The following MRPL42 variants were observed in gnomAD, a reference collection of about 807,000 sequenced individuals.
The protein encoded by MRPL42 is mitochondrial ribosomal protein L42.
A neutral mutation model predicts 17.9 loss-of-function variants in MRPL42; 17 were observed. That is an observed-to-expected ratio of 0.95 (90% CI 0.65 to 1.42). The LOEUF (loss-of-function observed/expected upper bound fraction) is 1.42, where lower values mean the gene tolerates loss of function less well. MRPL42 is among the 40% of genes most tolerant of loss of function. The pLI, the probability that MRPL42 is intolerant of heterozygous loss-of-function variation, is 0.00. For missense variants in MRPL42, 177 were observed against 175.2 expected (o/e 1.01, Z -0.06); for synonymous variants, 59 against 54.4 (o/e 1.08, Z -0.37).
At chr12:93,478,725 A>G (rs1263093460) in intron 3 of MRPL42, among the ~76,000 whole-genome samples, 2 of 152,146 alleles carry the variant, frequency 1.3e-5, no homozygotes, top group African/African-American at 2.4e-5. Context: ...ATGTTATGGT[A>G]TTCAATCTTG....
At chr12:93,479,326 A>C in intron 3 of MRPL42, 62 bp from the exon 4 acceptor site, 1 of 1,303,660 alleles carries the variant, frequency 7.7e-7, no homozygotes, top group South Asian at 1.4e-5. Context: ...AAAAAAAAAA[A>C]AAGGTAATCA....
At chr12:93,499,752 C>A (rs1055876454) in intron 5 of MRPL42, among the ~76,000 whole-genome samples, 12 of 152,110 alleles carry the variant, frequency 7.9e-5, no homozygotes, top group Admixed American at 5.2e-4. Context: ...CAACTTAATT[C>A]CTGTATTTTG....
chr12:93,477,400 A>G (rs1369803463), intron 3 of MRPL42, among the ~76,000 whole-genome samples: 2 of 152,198 alleles, frequency 1.3e-5, no homozygotes, highest in East Asian at 3.8e-4. Flanking sequence ...AATTATACAT[A>G]CTTAATTTAG....
At chr12:93,476,642 T>A (rs1191690048) in intron 2 of MRPL42, among the ~76,000 whole-genome samples, 1 of 152,242 alleles carries the variant, frequency 6.6e-6, no homozygotes, top group African/African-American at 2.4e-5. Context: ...TCATCTCCAC[T>A]GAAAAGGCTT....
At chr12:93,500,819 C>T (rs112030607) in intron 5 of MRPL42, 1,918 of 163,616 alleles carry the variant, frequency 0.012, 44 homozygotes, top group African/African-American at 0.043. Flanking sequence ...AACTTAGCCA[C>T]GTGTGGTGGT....
chr12:93,514,295 C>CTTTTTTTTTT lies in MRPL42; in HGVS notation c.*13085_*13094dup. On this transcript the variant is annotated 3_prime_UTR_variant, in exon 6 of 6. Coordinates refer to ENST00000549982, the MANE Select transcript of MRPL42 (RefSeq NM_014050.4). ...CCCTCTGCTTTTTCTTTCTTTCTTT[C>CTTTTTTTTTT]TTTTTTTTTTTTTTTTTTTTGAGAT... The CTTTTTTTTTT allele has an allele frequency of 8.3e-6, 1 of 120,852 alleles. No individual in the cohort carries two copies. The highest frequency in any genetic ancestry group is 1.7e-5 in the Non-Finnish European group (1 of 59,760). The allele number at this position is 120,852 out of a possible 1,614,324, so 7.5% of individuals were successfully genotyped here. A position where few individuals can be genotyped will look rare whatever the true frequency, so the allele number is the denominator to read the frequency against.
chr12:93,496,267 C>T (rs766313784), intron 5 of MRPL42, among the ~76,000 whole-genome samples: 15 of 152,016 alleles, frequency 9.9e-5, no homozygotes, highest in Non-Finnish European at 1.8e-4. Flanking sequence ...CCATGTTGGC[C>T]AGGCTGGTCT....
At chr12:93,490,276 A>G (rs1953388074) in intron 5 of MRPL42, among the ~76,000 whole-genome samples, 1 of 152,312 alleles carries the variant, frequency 6.6e-6, no homozygotes, top group Admixed American at 6.5e-5. Context: ...AATCTTATTT[A>G]CTTAATCTTA....
chr12:93,468,708 C>T (rs562777243), intron 1 of MRPL42, among the ~76,000 whole-genome samples: 3 of 152,050 alleles, frequency 2.0e-5, no homozygotes, highest in Non-Finnish European at 4.4e-5. Flanking sequence ...AAGGATAGGC[C>T]TTGTTTGATA....
At chr12:93,495,135 C>T (rs1025453594) in intron 5 of MRPL42, among the ~76,000 whole-genome samples, 1 of 152,116 alleles carries the variant, frequency 6.6e-6, no homozygotes, top group Admixed American at 6.6e-5. Flanking sequence ...GAGTTTTTTC[C>T]TTTTCACCCA....
At chr12:93,474,394 C>T (rs912887618) in intron 2 of MRPL42, among the ~76,000 whole-genome samples, 4 of 150,660 alleles carry the variant, frequency 2.7e-5, no homozygotes, top group Middle Eastern at 3.4e-3. Context: ...CTGCCTTGGC[C>T]TCGCAAAGCG....
intron 4 of MRPL42, among the ~76,000 whole-genome samples, chr12:93,482,614 G>C (rs1213498611): frequency 6.6e-6 from 1 of 152,156 alleles, no homozygotes; most frequent in Non-Finnish European, 1.5e-5. Context: ...ATAAATTGTA[G>C]ATTGGGCTGC....
chr12:93,501,007 A>G lies in MRPL42; in HGVS notation c.384-169A>G, dbSNP rs184070098. The G allele has an allele frequency of 1.3e-4, 73 of 542,176 alleles. 1 individual carries two copies. The Admixed American group carries it at 2.9e-3, about 21-fold the overall frequency. 33.6% of individuals were successfully genotyped at this position (542,176 alleles called of 1,614,324 possible). ...TGATTAGGTAAAGAAAAGAAAACAAATTTTCACAATGGGAGAATGTGGCTT... is the reference window on the plus strand; with the variant it reads ...TGATTAGGTAAAGAAAAGAAAACAAGTTTTCACAATGGGAGAATGTGGCTT... On this transcript the variant is annotated intron_variant, in intron 5 of 5. Coordinates refer to ENST00000549982, the MANE Select transcript of MRPL42 (RefSeq NM_014050.4).
At chr12:93,479,879 T>G (rs1417418697) in intron 4 of MRPL42, among the ~76,000 whole-genome samples, 1 of 151,734 alleles carries the variant, frequency 6.6e-6, no homozygotes, top group African/African-American at 2.4e-5. Flanking sequence ...GACAGTTTTT[T>G]TTTTTTTTTA....
intron 4 of MRPL42, among the ~76,000 whole-genome samples, chr12:93,484,293 T>A (rs1045255894): frequency 2.0e-5 from 3 of 152,216 alleles, no homozygotes; most frequent in African/African-American, 7.2e-5. Flanking sequence ...TTACTCTGGC[T>A]GGTTTTGAAC....
Position 93,515,615 on chromosome 12 carries a change from C to T in MRPL42, c.*14394C>T, listed in dbSNP as rs7301440. Reference sequence around the variant, plus strand: ...AGCTCCTGACCTCAAGTGATTCGCCCGCGTCGGCCTCCCAAAGGGCTGGGA... The same window carrying T: ...AGCTCCTGACCTCAAGTGATTCGCCTGCGTCGGCCTCCCAAAGGGCTGGGA... On this transcript the variant is annotated 3_prime_UTR_variant, in exon 6 of 6. Transcript: ENST00000549982. 0.28 allele frequency: 42,940 copies of T among 152,064 alleles called. 7,321 individuals are homozygous for T. Among genetic ancestry groups the T allele is most frequent in the Non-Finnish European group, 0.39 (26,443 of 67,996 alleles). 9.4% of individuals were successfully genotyped at this position (152,064 alleles called of 1,614,324 possible). A position where few individuals can be genotyped will look rare whatever the true frequency, so the allele number is the denominator to read the frequency against.
chr12:93,468,347 A>G (rs936961474), intron 1 of MRPL42, among the ~76,000 whole-genome samples: 1 of 152,180 alleles, frequency 6.6e-6, no homozygotes, highest in South Asian at 2.1e-4. Context: ...ACTATTAAAA[A>G]CAAGATTTAA....
intron 2 of MRPL42, 69 bp from the exon 3 acceptor site, chr12:93,476,885 A>G: frequency 7.1e-7 from 1 of 1,409,800 alleles, no homozygotes; most frequent in South Asian, 1.2e-5. Flanking sequence ...GAGTAAAACT[A>G]GCTTTAAATT....
In MRPL42 at chr12:93,506,208, G is replaced by T. The variant is rs1953667193; in HGVS notation, c.*4987G>T. On this transcript the variant is annotated 3_prime_UTR_variant, in exon 6 of 6. Transcript: ENST00000549982. ...CCCCCAAAATACTGGGATTACAAGG[G>T]TGAGCCACTGTGCCCAGCCTCTTCT... 6.7e-6 allele frequency: 1 copy of T among 149,538 alleles called. No homozygotes were observed. The highest frequency in any genetic ancestry group is 1.5e-5 in the Non-Finnish European group (1 of 67,828). 9.3% of individuals were successfully genotyped at this position (149,538 alleles called of 1,614,324 possible). A position where few individuals can be genotyped will look rare whatever the true frequency, so the allele number is the denominator to read the frequency against.
Sources: allele counts gnomAD v4.1 joint callset (sites outside exome capture counted in the v4.1 genomes callset), GRCh38; gene constraint gnomAD v4.1.1; transcripts MANE v1.5; gene names NCBI Gene and HGNC (gene_info 2026-07-23, HGNC 2026-07-21).